Variants in ECT2 observed in about 807,000 individuals in gnomAD.
ECT2 encodes the protein epithelial cell transforming 2.
A neutral mutation model predicts 116.9 loss-of-function variants in ECT2; 61 were observed. That is an observed-to-expected ratio of 0.52 (90% CI 0.42 to 0.65). The LOEUF (loss-of-function observed/expected upper bound fraction) is 0.65, where lower values mean the gene tolerates loss of function less well. Ranked by LOEUF, ECT2 falls within the 30% of genes least tolerant of loss-of-function variation. ECT2 has a pLI of 0.00. For missense variants in ECT2, 937 were observed against 1,078.7 expected (o/e 0.87, Z 1.84); for synonymous variants, 358 against 346.4 (o/e 1.03, Z -0.37).
At position 172,764,450 on chromosome 3, in the gene ECT2, G is replaced by T. The variant is rs773763009; in HGVS notation, c.1241G>T (p.Gly414Val). Residue 414 changes from glycine to valine, a missense_variant, in exon 12 of 25, where the codon GGG (glycine) becomes GTG (valine). By Grantham distance (109) the Gly-to-Val change is moderately radical. Coordinates refer to ENST00000392692, the MANE Select transcript of ECT2 (RefSeq NM_001258315.2). ...RPSAEHSLSI[G>V]SLLDISNTPE... ...TCAGCTGAGCATTCCCTTTCCATAGGGTCACTCCTAGATATCTCCAACACA... is the reference window on the plus strand; with the variant it reads ...TCAGCTGAGCATTCCCTTTCCATAGTGTCACTCCTAGATATCTCCAACACA... 1 of 1,613,958 alleles carries T rather than the reference G, an allele frequency of 6.2e-7. No homozygotes were observed. The highest frequency in any genetic ancestry group is 2.2e-5 in the East Asian group (1 of 44,866).
rs1730576803 is a variant in ECT2, at chr3:172,820,660, C to T, written c.*423C>T. On this transcript the variant is annotated 3_prime_UTR_variant, in exon 25 of 25. Transcript: ENST00000392692. ...CTCAATTTATGCAGAGATTAAATGA[C>T]ATCATAATACTGGATGAAAACTTGC... 1 of 152,324 alleles carries T rather than the reference C, an allele frequency of 6.6e-6. No individual in the cohort carries two copies. The highest frequency in any genetic ancestry group is 1.5e-5 in the Non-Finnish European group (1 of 68,150). The allele number at this position is 152,324 out of a possible 1,614,324, so 9.4% of individuals were successfully genotyped here.
intron 4 of ECT2, among the ~76,000 whole-genome samples, chr3:172,756,387 T>C (rs1454286492): frequency 6.6e-6 from 1 of 152,194 alleles, no homozygotes; most frequent in Non-Finnish European, 1.5e-5. Context: ...AAGTGTTTAC[T>C]GTAAGTAACT....
the ECT2 span, among the ~76,000 whole-genome samples, chr3:172,826,817 G>T: frequency 6.6e-6 from 1 of 152,094 alleles, no homozygotes; most frequent in East Asian, 1.9e-4. Flanking sequence ...AAGCTAAAAG[G>T]CATCTTTACA....
the ECT2 span, chr3:172,828,987 G>T: frequency 8.9e-7 from 1 of 1,128,184 alleles, no homozygotes. Context: ...CTGTGTCAAT[G>T]TCCCAGGAGA....
Position 172,786,397 on chromosome 3 carries a change from T to C in ECT2, c.1826-96T>C, listed in dbSNP as rs1158585949. 7 of 738,572 alleles carry C rather than the reference T, an allele frequency of 9.5e-6. No individual in the cohort carries two copies. The East Asian group carries it at 1.9e-4, about 20-fold the overall frequency. The allele number at this position is 738,572 out of a possible 1,614,324, so 45.8% of individuals were successfully genotyped here. A position where few individuals can be genotyped will look rare whatever the true frequency, so the allele number is the denominator to read the frequency against. ...TAAAAAATAAGGATTGAATATTATC[T>C]TTAAAAATTAGCTGTATCAAGATGG... On this transcript the variant is annotated intron_variant, in intron 17 of 24. Transcript: ENST00000392692.
At chr3:172,754,122 A>T (rs1267723907) in intron 1 of ECT2, among the ~76,000 whole-genome samples, 1 of 152,088 alleles carries the variant, frequency 6.6e-6, no homozygotes, top group Non-Finnish European at 1.5e-5. Context: ...GATAGATCTC[A>T]GATTTTTGGC....
At chr3:172,820,087 G>A (rs931142660) in intron 24 of ECT2, 61 bp from the exon 25 acceptor site, 6 of 1,318,972 alleles carry the variant, frequency 4.5e-6, no homozygotes, top group Non-Finnish European at 6.4e-6. Context: ...ATACTGAACT[G>A]TATTTTACAA....
chr3:172,786,457 T>A, intron 17 of ECT2, 36 bp from the exon 18 acceptor site: 1 of 1,428,246 alleles, frequency 7.0e-7, no homozygotes, highest in Non-Finnish European at 9.7e-7. Context: ...AATCACTGAA[T>A]TTTTTATGCA....
At chr3:172,774,052 A>AT in intron 14 of ECT2, 30 bp downstream of exon 14, 3 of 1,594,644 alleles carry the variant, frequency 1.9e-6, no homozygotes, top group South Asian at 2.2e-5. Flanking sequence ...ATTGGTAGTA[A>AT]TTTTTTTCAG....
At chr3:172,814,730 A>G (rs1729392774) in intron 22 of ECT2, among the ~76,000 whole-genome samples, 1 of 152,170 alleles carries the variant, frequency 6.6e-6, no homozygotes, top group South Asian at 2.1e-4. Context: ...TGATACATGT[A>G]TACATTGTGT....
intron 21 of ECT2, among the ~76,000 whole-genome samples, chr3:172,806,737 C>T (rs1427761547): frequency 6.7e-6 from 1 of 149,908 alleles, no homozygotes; most frequent in Admixed American, 6.7e-5. Flanking sequence ...ACTGCAGCTC[C>T]CGCCAGGATT....
At chr3:172,763,484 G>C (rs148143317) in intron 11 of ECT2, among the ~76,000 whole-genome samples, 14 of 152,326 alleles carry the variant, frequency 9.2e-5, no homozygotes, top group African/African-American at 2.9e-4. Context: ...TACAGTGTGG[G>C]AAGGAAGGCC....
At chr3:172,785,677 T>C (rs1723485725) in intron 17 of ECT2, among the ~76,000 whole-genome samples, 1 of 152,236 alleles carries the variant, frequency 6.6e-6, no homozygotes, top group African/African-American at 2.4e-5. Context: ...TTGGTTAGTA[T>C]ATGAATTATA....
chr3:172,755,335 A>G lies in ECT2; in HGVS notation c.171A>G (p.Gln57=), dbSNP rs376845669. The G allele has an allele frequency of 2.5e-6, 4 of 1,605,462 alleles. No individual in the cohort carries two copies. Among genetic ancestry groups the G allele is most frequent in the Non-Finnish European group, 2.5e-6 (3 of 1,178,018 alleles). The change falls in exon 3 of 25, where the codon CAA becomes CAG. Residue 57 remains glutamine (Q), a synonymous_variant. Transcript: ENST00000392692. ...PQIETRVILV[Q]EAGKQEELIK... Reference sequence around the variant, plus strand: ...TTGAAACAAGAGTGATATTGGTTCAAGAAGCTGGAAAACAAGAAGAACTTA... The same window carrying G: ...TTGAAACAAGAGTGATATTGGTTCAGGAAGCTGGAAAACAAGAAGAACTTA...
rs180870412 is a variant in ECT2 at position 172,798,869 on chromosome 3, T to A, written c.1908-3747T>A. On this transcript the variant is annotated intron_variant, in intron 18 of 24. Transcript: ENST00000392692. ...TATTACCAAGGCTTTGACTGAAATG[T>A]CATATTTGACAATATGCATAAAATG... Among the ~76,000 whole-genome samples, 31 of 152,320 alleles carry A rather than the reference T, an allele frequency of 2.0e-4. No homozygotes were observed. In the East Asian group the frequency reaches 6.0e-3, roughly 29 times the overall value.
At chr3:172,781,487 T>G (rs1011928673) in intron 14 of ECT2, among the ~76,000 whole-genome samples, 6 of 152,226 alleles carry the variant, frequency 3.9e-5, no homozygotes, top group African/African-American at 1.4e-4. Context: ...AAGAGCTTGT[T>G]GATTGATGTC....
chr3:172,758,938 AC>A, intron 5 of ECT2, 41 bp from the exon 6 acceptor site: 1 of 1,468,452 alleles, frequency 6.8e-7, no homozygotes, highest in Non-Finnish European at 9.4e-7. Context: ...TGTATTTTCT[AC>A]TAAAGAGAAA....
At chr3:172,794,004 T>G (rs1022303719) in intron 18 of ECT2, among the ~76,000 whole-genome samples, 2 of 152,266 alleles carry the variant, frequency 1.3e-5, no homozygotes, top group South Asian at 4.2e-4. Flanking sequence ...AGGCTTTTTT[T>G]AAAAAAAGAT....
chr3:172,781,961 A>G (rs1369003532), intron 14 of ECT2, among the ~76,000 whole-genome samples: 2 of 152,222 alleles, frequency 1.3e-5, no homozygotes, highest in Admixed American at 6.5e-5. Flanking sequence ...TTTATATTTT[A>G]AAAATGTTTT....
Sources: gnomAD v4.1 joint callset for allele counts (sites outside exome capture counted in the v4.1 genomes callset) on GRCh38, gnomAD v4.1.1 for gene constraint, MANE v1.5 for transcripts, NCBI Gene and HGNC (gene_info 2026-07-23, HGNC 2026-07-21) for gene names.